The following SH3TC1 variants were observed in gnomAD, a reference collection of about 807,000 sequenced individuals.
SH3TC1 encodes the protein SH3 domain and tetratricopeptide repeats 1.
In SH3TC1, 135 loss-of-function variants were observed where a neutral mutation model predicts 117.3. The ratio of observed to expected loss-of-function variants is 1.15; its 90% CI spans 1.00 to 1.33. The LOEUF (loss-of-function observed/expected upper bound fraction) is 1.33, where lower values mean the gene tolerates loss of function less well. Among genes scored for constraint, SH3TC1 ranks in the 40% most tolerant of loss-of-function variants. The pLI is 0.00. For synonymous variants in SH3TC1, 898 were observed against 816.9 expected, an observed-to-expected ratio of 1.10 and a Z score of -1.69; for missense variants, 2,092 against 1,794.3, an observed-to-expected ratio of 1.17 and a Z score of -3.00.
In SH3TC1 at chr4:8,240,880, C is replaced by T. The variant is rs778116596; in HGVS notation, c.3936C>T (p.Asn1312=). 5.0e-6 allele frequency: 8 copies of T among 1,613,388 alleles called. No homozygotes were observed. Among genetic ancestry groups the T allele is most frequent in the South Asian group, 2.2e-5 (2 of 91,090 alleles). Residue 1312 remains asparagine (N), a synonymous_variant, in exon 18 of 18, where the codon AAC becomes AAT. Transcript: ENST00000245105. Reference sequence around the variant, plus strand: ...CCAGGACCTTCGCCACAGAGCTCAACGTCCGCAGGGTCAACCTGCCTCCTC... The same window carrying T: ...CCAGGACCTTCGCCACAGAGCTCAATGTCCGCAGGGTCAACCTGCCTCCTC... ...QKARTFATEL[N]VRRVNLPPLP...
At chr4:8,202,377 G>A (rs897068247) in intron 1 of SH3TC1, among the ~76,000 whole-genome samples, 12 of 152,234 alleles carry the variant, frequency 7.9e-5, no homozygotes, top group East Asian at 1.9e-4. Flanking sequence ...TGTGTTCTGC[G>A]TCCGCAGTTC....
chr4:8,239,649 T>A (rs1018190440), intron 17 of SH3TC1, among the ~76,000 whole-genome samples: 18 of 152,314 alleles, frequency 1.2e-4, no homozygotes, highest in Admixed American at 6.5e-4. Context: ...CAGAGACACA[T>A]ATGCTTTGGC....
At position 8,212,802 on chromosome 4, in the gene SH3TC1, A is replaced by G. The variant is rs1191531667; in HGVS notation, c.349A>G (p.Ser117Gly). 6.2e-7 allele frequency: 1 copy of G among 1,602,210 alleles called. No homozygotes were observed. Residue 117 changes from serine to glycine, a missense_variant, in exon 4 of 18, where the codon AGC becomes GGC. Transcript: ENST00000245105. ...CCAGCTCCGCCTGCTGGAGAATGATAGCCGGGAGATGGCCCGCGTGCTTGG... is the reference window on the plus strand; with the variant it reads ...CCAGCTCCGCCTGCTGGAGAATGATGGCCGGGAGATGGCCCGCGTGCTTGG... ...RGQLRLLEND[S>G]REMARVLGEL...
chr4:8,233,758 T>TC (rs111672102), intron 14 of SH3TC1, among the ~76,000 whole-genome samples: 4,404 of 146,252 alleles, frequency 0.03, 144 homozygotes, highest in African/African-American at 0.066. Flanking sequence ...CATCCATCCA[T>TC]CATCCATCCA....
chr4:8,196,682 G>A (rs1717565545), upstream of SH3TC1, among the ~76,000 whole-genome samples: 3 of 152,182 alleles, frequency 2.0e-5, no homozygotes, highest in African/African-American at 7.2e-5. This position sits in a 1 kb window ranked among gnomAD's most constrained non-coding sequence, Gnocchi z 4.6. Context: ...GCCTCCAGCT[G>A]GTGGGGGCTG....
chr4:8,232,837 T>C, intron 13 of SH3TC1: 1 of 1,277,380 alleles, frequency 7.8e-7, no homozygotes, highest in Non-Finnish European at 1.0e-6. Flanking sequence ...AATGGGCCAG[T>C]GTGTTAGAGC....
chr4:8,196,636 C>G (rs1717564552), upstream of SH3TC1, among the ~76,000 whole-genome samples: 1 of 152,122 alleles, frequency 6.6e-6, no homozygotes. The surrounding 1 kb of genome is among the most constrained non-coding windows in gnomAD (Gnocchi z 4.6). Flanking sequence ...TTACCCAGTC[C>G]CCTGAGACAG....
chr4:8,220,442 C>G (rs10938698), intron 9 of SH3TC1, among the ~76,000 whole-genome samples: 44,857 of 152,120 alleles, frequency 0.29, 7,662 homozygotes, highest in Middle Eastern at 0.42. Flanking sequence ...ACACGCCACC[C>G]ATGACCTGCC....
chr4:8,230,267 T>C (rs937323134), intron 12 of SH3TC1, among the ~76,000 whole-genome samples: 1 of 152,222 alleles, frequency 6.6e-6, no homozygotes, highest in African/African-American at 2.4e-5. Context: ...CCCTCTTTCA[T>C]TTCTGATTTT....
chr4:8,223,609 C>T (rs1720153357), intron 10 of SH3TC1, among the ~76,000 whole-genome samples: 2 of 151,102 alleles, frequency 1.3e-5, no homozygotes, highest in Non-Finnish European at 1.5e-5. Context: ...TAGATAAACA[C>T]AAATGTGTGG....
chr4:8,230,301 AATTT>A (rs1479472445), intron 12 of SH3TC1, among the ~76,000 whole-genome samples: 2 of 151,610 alleles, frequency 1.3e-5, no homozygotes, highest in Admixed American at 6.6e-5. Flanking sequence ...TTTAATTTTT[AATTT>A]ATTTATTTTT....
rs554653063 is a variant in SH3TC1 at position 8,226,271 on chromosome 4, G to A, written c.1286-709G>A. On this transcript the variant is annotated intron_variant, in intron 11 of 17. Coordinates refer to ENST00000245105, the MANE Select transcript of SH3TC1 (RefSeq NM_018986.5). Reference sequence around the variant, plus strand: ...TGGGAATCCACCAAAGCCAGCAGGCGCCAGCAGGCTGCGTGGGCAGCCTGG... The same window carrying A: ...TGGGAATCCACCAAAGCCAGCAGGCACCAGCAGGCTGCGTGGGCAGCCTGG... Among the ~76,000 whole-genome samples the A allele has an allele frequency of 5.3e-5, 8 of 152,320 alleles. No individual in the cohort carries two copies. The East Asian group carries it at 5.8e-4, about 11-fold the overall frequency.
Position 8,186,446 on chromosome 4 carries a change from G to A in SH3TC1, c.-57+4236G>A, listed in dbSNP as rs915388521. 1.6e-4 allele frequency among the ~76,000 whole-genome samples: 24 copies of A among 152,310 alleles called. No homozygotes were observed. Among genetic ancestry groups the A allele is most frequent in the Middle Eastern group, 3.4e-3 (1 of 294 alleles). On this transcript the variant is annotated intron_variant, in intron 1 of 16. Transcript: ENST00000508641. This position sits in a 1 kb window ranked among gnomAD's most constrained non-coding sequence, Gnocchi z 5.2. Reference sequence around the variant, plus strand: ...GTGGAGCAGAAGACGGATGTTAGGGGAAACTAAGGAAGTCGAGTCGAGTGT... The same window carrying A: ...GTGGAGCAGAAGACGGATGTTAGGGAAAACTAAGGAAGTCGAGTCGAGTGT...
In SH3TC1 at chr4:8,227,216, GCCCCTGGGTACAAGGC is replaced by G. The variant is rs1184728995; in HGVS notation, c.1524_1539del (p.Pro509AlafsTer13). The G allele has an allele frequency of 1.9e-6, 3 of 1,561,410 alleles. No homozygotes were observed. Among genetic ancestry groups the G allele is most frequent in the Non-Finnish European group, 2.6e-6 (3 of 1,150,330 alleles). On this transcript the variant is annotated frameshift_variant, in exon 12 of 18. Transcript: ENST00000245105. LOFTEE classifies it high-confidence loss of function. Reference sequence around the variant, plus strand: ...GAGCTCACTGCTGCTGTTCCTGAACGCCCCTGGGTACAAGGCCAGCTTCCGTGGCCTGTACGATGTG... The same window carrying G: ...GAGCTCACTGCTGCTGTTCCTGAACGCAGCTTCCGTGGCCTGTACGATGTG...
At position 8,190,984 on chromosome 4, in the gene SH3TC1, G is replaced by A. The variant is rs1717400559; in HGVS notation, c.-57+8774G>A. Reference sequence around the variant, plus strand: ...CCCTCTCCGCACCTCTGTTCCTTGTGGTTTTAAAGGTGGAGATGCTGAGGA... The same window carrying A: ...CCCTCTCCGCACCTCTGTTCCTTGTAGTTTTAAAGGTGGAGATGCTGAGGA... On this transcript the variant is annotated intron_variant, in intron 1 of 16. Transcript: ENST00000508641. The surrounding 1 kb of genome is among the most constrained non-coding windows in gnomAD (Gnocchi z 4.7). 1.3e-5 allele frequency among the ~76,000 whole-genome samples: 2 copies of A among 152,114 alleles called. No individual in the cohort carries two copies. The highest frequency in any genetic ancestry group is 4.1e-4 in the South Asian group (2 of 4,834).
chr4:8,239,874 C>T (rs1021457697), intron 17 of SH3TC1, among the ~76,000 whole-genome samples: 3 of 152,182 alleles, frequency 2.0e-5, no homozygotes, highest in Admixed American at 6.5e-5. Flanking sequence ...GTCCAGTGTT[C>T]GGTGGGGCTG....
At chr4:8,220,430 T>C (rs7660416) in intron 9 of SH3TC1, among the ~76,000 whole-genome samples, 54,617 of 151,790 alleles carry the variant, frequency 0.36, 10,965 homozygotes, top group East Asian at 0.55. Flanking sequence ...CCTATGTGAT[T>C]TACACGCCAC....
intron 16 of SH3TC1, chr4:8,236,719 T>C (rs1721854419): frequency 1.3e-5 from 5 of 373,612 alleles, no homozygotes; most frequent in African/African-American, 2.1e-5. Context: ...GACATCTCGT[T>C]GGTCCCTGCA....
rs1487621963 is a variant in SH3TC1 at position 8,183,226 on chromosome 4, G to A, written c.-57+1016G>A. Among the ~76,000 whole-genome samples the A allele has an allele frequency of 6.6e-6, 1 of 152,206 alleles. No individual in the cohort carries two copies. The highest frequency in any genetic ancestry group is 1.5e-5 in the Non-Finnish European group (1 of 68,036). The stretch of plus-strand genomic sequence containing the variant: ...GGCGAGTTCTGTTCACTACGAAGGA[G>A]CCCGTCCTCATCCTCCCCCTCGTTT... On this transcript the variant is annotated intron_variant, in intron 1 of 16. Transcript: ENST00000508641. This position sits in a 1 kb window ranked among gnomAD's most constrained non-coding sequence, Gnocchi z 5.4.
Sources: allele counts gnomAD v4.1 joint callset (sites outside exome capture counted in the v4.1 genomes callset), GRCh38; gene constraint gnomAD v4.1.1; non-coding constraint Gnocchi (gnomAD v3.1); transcripts MANE v1.5; gene names NCBI Gene and HGNC (gene_info 2026-07-23, HGNC 2026-07-21).